Variants in LAMA2 observed in about 807,000 individuals in gnomAD.
LAMA2 encodes laminin subunit alpha 2.
Under a neutral mutation model 364.8 loss-of-function variants are expected in LAMA2, and 269 were observed. That is an observed-to-expected ratio of 0.74 (90% CI 0.67 to 0.82). The LOEUF (loss-of-function observed/expected upper bound fraction) is 0.82, where lower values mean the gene tolerates loss of function less well. Ranked by LOEUF, LAMA2 falls within the 40% of genes least tolerant of loss-of-function variation. The probability of loss-of-function intolerance (pLI) is 0.00; values close to 1 mark genes in which losing one functional copy is unlikely to be tolerated. For synonymous variants in LAMA2, 1,379 were observed against 1,370.6 expected, an observed-to-expected ratio of 1.01 and a Z score of -0.14; for missense variants, 3,807 against 3,873.2, an observed-to-expected ratio of 0.98 and a Z score of 0.45.
chr6:129,166,692 T>G (rs1779762384), intron 9 of LAMA2, among the ~76,000 whole-genome samples: 1 of 152,160 alleles, frequency 6.6e-6, no homozygotes, highest in Admixed American at 6.5e-5. Flanking sequence ...AATGAGTATA[T>G]GATCACAGAA....
At chr6:129,033,801 G>A (rs1786407413) in intron 1 of LAMA2, among the ~76,000 whole-genome samples, 1 of 151,948 alleles carries the variant, frequency 6.6e-6, no homozygotes, top group African/African-American at 2.4e-5. Context: ...GAAGAAGCTT[G>A]GAAGCAGTCT....
chr6:129,249,267 A>G (rs1247356707), intron 12 of LAMA2, among the ~76,000 whole-genome samples: 1 of 152,156 alleles, frequency 6.6e-6, no homozygotes, highest in Non-Finnish European at 1.5e-5. Flanking sequence ...TGTTTTATGA[A>G]TATCTCTATT....
chr6:129,166,765 A>G (rs539642797), intron 9 of LAMA2, among the ~76,000 whole-genome samples: 120 of 152,296 alleles, frequency 7.9e-4, no homozygotes, highest in African/African-American at 2.8e-3. Context: ...AGATACCACT[A>G]TTAACATTTT....
At chr6:129,130,064 A>G (rs1777378034) in intron 4 of LAMA2, among the ~76,000 whole-genome samples, 1 of 152,216 alleles carries the variant, frequency 6.6e-6, no homozygotes, top group Admixed American at 6.5e-5. Context: ...AGCATATGGT[A>G]TTCCAGTGAA....
intron 43 of LAMA2, chr6:129,442,140 G>A (rs1400271064): frequency 1.7e-5 from 19 of 1,098,130 alleles, no homozygotes; most frequent in Middle Eastern, 4.6e-4. Context: ...AAAAACAAAA[G>A]CACTGTAATT....
intron 55 of LAMA2, among the ~76,000 whole-genome samples, chr6:129,486,254 T>C (rs1784577838): frequency 6.6e-6 from 1 of 152,264 alleles, no homozygotes; most frequent in East Asian, 1.9e-4. Context: ...AGAGAACTGC[T>C]ATATTAATAT....
rs568954208 is a variant in LAMA2, at chr6:129,310,047, C to T, written c.3175-2814C>T. Among the ~76,000 whole-genome samples the T allele has an allele frequency of 4.6e-5, 7 of 151,234 alleles. No individual in the cohort carries two copies. In the East Asian group the frequency reaches 1.4e-3, roughly 29 times the overall value. On this transcript the variant is annotated intron_variant, in intron 22 of 64. Coordinates refer to ENST00000421865, the MANE Select transcript of LAMA2 (RefSeq NM_000426.4). ...CCCGAGTAGCTGGGACTACAGGCGCCCGCTACCACGCCCGGCTAATTTTTT... is the reference window on the plus strand; with the variant it reads ...CCCGAGTAGCTGGGACTACAGGCGCTCGCTACCACGCCCGGCTAATTTTTT...
At chr6:129,425,793 A>G (rs1412722161) in intron 40 of LAMA2, among the ~76,000 whole-genome samples, 1 of 152,094 alleles carries the variant, frequency 6.6e-6, no homozygotes, top group Non-Finnish European at 1.5e-5. Context: ...ATAGTATTCC[A>G]TGGTGTATAT....
Position 129,465,040 on chromosome 6 carries a change from C to G in LAMA2, c.7156-105C>G. 3.4e-6 allele frequency: 3 copies of G among 888,680 alleles called. No individual in the cohort carries two copies. The East Asian group carries it at 7.3e-5, about 22-fold the overall frequency. The allele number at this position is 888,680 out of a possible 1,614,324, so 55.0% of individuals were successfully genotyped here. A position where few individuals can be genotyped will look rare whatever the true frequency, so the allele number is the denominator to read the frequency against. On this transcript the variant is annotated intron_variant, in intron 50 of 64. Transcript: ENST00000421865. ...GATTTCTGCAACAGAGTGACATATT[C>G]AGCAATTTAGCCACAAGACCCTAAC...
chr6:129,030,401 T>A (rs1786142552), intron 1 of LAMA2, among the ~76,000 whole-genome samples: 1 of 152,152 alleles, frequency 6.6e-6, no homozygotes. Context: ...AGTGATTCAA[T>A]GAATATGTGT....
intron 32 of LAMA2, among the ~76,000 whole-genome samples, chr6:129,356,070 G>T (rs1185749450): frequency 6.6e-6 from 1 of 152,096 alleles, no homozygotes; most frequent in Non-Finnish European, 1.5e-5. Context: ...GGACACCTTG[G>T]TCCCTAAAAG....
At chr6:129,184,502 G>A (rs1781115170) in intron 10 of LAMA2, among the ~76,000 whole-genome samples, 1 of 151,760 alleles carries the variant, frequency 6.6e-6, no homozygotes, top group Non-Finnish European at 1.5e-5. Flanking sequence ...AACCTAGCTT[G>A]GTTAAAGCAA....
intron 55 of LAMA2, among the ~76,000 whole-genome samples, chr6:129,483,234 A>AT (rs1287088041): frequency 6.7e-6 from 1 of 149,820 alleles, no homozygotes; most frequent in Non-Finnish European, 1.5e-5. Flanking sequence ...TAAAAAAAAA[A>AT]CTATAACAAG....
intron 1 of LAMA2, among the ~76,000 whole-genome samples, chr6:128,910,018 A>T (rs1040781778): frequency 2.0e-5 from 3 of 151,968 alleles, no homozygotes; most frequent in Non-Finnish European, 4.4e-5. Flanking sequence ...TGTTAGTCTG[A>T]TGGGCTTCCC....
At chr6:128,902,163 T>G (rs1237510305) in intron 1 of LAMA2, among the ~76,000 whole-genome samples, 1 of 152,234 alleles carries the variant, frequency 6.6e-6, no homozygotes, top group Non-Finnish European at 1.5e-5. Context: ...TCTCATGATC[T>G]AATCACCTTC....
intron 9 of LAMA2, among the ~76,000 whole-genome samples, chr6:129,171,082 T>G (rs2115003097): frequency 6.6e-6 from 1 of 152,278 alleles, no homozygotes; most frequent in South Asian, 2.1e-4. Flanking sequence ...GCACATGAGA[T>G]GGGTTTCCTG....
chr6:129,291,519 C>T lies in LAMA2; in HGVS notation c.2750-95C>T, dbSNP rs577205177. 34 of 844,084 alleles carry T rather than the reference C, an allele frequency of 4.0e-5. 1 individual carries two copies. Among genetic ancestry groups the T allele is most frequent in the Admixed American group, 2.6e-4 (13 of 50,586 alleles). The allele number at this position is 844,084 out of a possible 1,614,324, so 52.3% of individuals were successfully genotyped here. On this transcript the variant is annotated intron_variant, in intron 19 of 64. Transcript: ENST00000421865. ...AAAACATTCTGTTACTGAACTTAGGCGTCCATGTTACCATGTGGGGTATAT... is the reference window on the plus strand; with the variant it reads ...AAAACATTCTGTTACTGAACTTAGGTGTCCATGTTACCATGTGGGGTATAT...
chr6:128,974,839 T>G (rs967516560), intron 1 of LAMA2, among the ~76,000 whole-genome samples: 5 of 151,136 alleles, frequency 3.3e-5, no homozygotes, highest in African/African-American at 1.2e-4. Context: ...TGTGACACAA[T>G]TTAATGAGTA....
intron 4 of LAMA2, among the ~76,000 whole-genome samples, chr6:129,143,012 C>T (rs9492245): frequency 0.29 from 43,736 of 151,768 alleles, 8,086 homozygotes; most frequent in African/African-American, 0.53. Flanking sequence ...TTCCTTTATC[C>T]GTGCCAACAG....
Sources: allele counts gnomAD v4.1 joint callset (sites outside exome capture counted in the v4.1 genomes callset), GRCh38; gene constraint gnomAD v4.1.1; transcripts MANE v1.5; gene names NCBI Gene and HGNC (gene_info 2026-07-23, HGNC 2026-07-21).